CYTH2: variants seen among roughly 807,000 people sequenced by gnomAD.
CYTH2 encodes cytohesin-2.
CYTH2 carries 24 observed loss-of-function variants against 55.4 expected under a neutral mutation model. The ratio of observed to expected loss-of-function variants is 0.43; its 90% CI spans 0.31 to 0.61. The LOEUF is 0.61. CYTH2 is among the 20% of genes least tolerant of loss of function. CYTH2 has a pLI of 0.08. For synonymous variants in CYTH2, 221 were observed against 209.6 expected (o/e 1.05, Z -0.47); for missense variants, 378 against 533.5 (o/e 0.71, Z 2.87).
At chr19:48,478,862 T>C (rs1414067797) in intron 11 of CYTH2, among the ~76,000 whole-genome samples, 1 of 129,482 alleles carries the variant, frequency 7.7e-6, no homozygotes, top group Non-Finnish European at 1.6e-5. Context: ...CCTGGACTCC[T>C]GGGTCTGACG....
chr19:48,477,163 C>T (rs1971931297), intron 8 of CYTH2: 1 of 152,434 alleles, frequency 6.6e-6, no homozygotes, highest in African/African-American at 2.4e-5. Flanking sequence ...AGCAGCAGGT[C>T]ATTTTGCCAC....
Position 48,478,573 on chromosome 19 carries a change from G to C in CYTH2, c.1093G>C (p.Glu365Gln), listed in dbSNP as rs768292381. The C allele has an allele frequency of 1.4e-5, 22 of 1,612,888 alleles. No homozygotes were observed. The South Asian group carries it at 2.2e-4, about 16-fold the overall frequency. ...ISAPTQEEKD[E>Q]WIKSIQAAVS... ...GGCCCCCACGCAGGAGGAGAAGGAC[G>C]AGTGGATCAAGTCCATCCAGTGAGC... Residue 365 changes from glutamate (E) to glutamine (Q), a missense_variant, in exon 11 of 12, where the codon GAG (glutamate) becomes CAG (glutamine). Physicochemically the swap from Glu to Gln is conservative, Grantham distance 29. Coordinates refer to ENST00000452733, the MANE Select transcript of CYTH2 (RefSeq NM_004228.7).
In CYTH2 at chr19:48,478,711, ACGC is replaced by A; in HGVS notation, c.1112+121_1112+123del. 9.8e-6 allele frequency: 7 copies of A among 714,810 alleles called. No individual in the cohort carries two copies. The African/African-American group carries it at 1.6e-4, about 16-fold the overall frequency. 44.3% of individuals were successfully genotyped at this position (714,810 alleles called of 1,614,324 possible). A position where few individuals can be genotyped will look rare whatever the true frequency, so the allele number is the denominator to read the frequency against. ...TGATGGAGGAGGGGCTGGGGCCTGG[ACGC>A]CTGGGTCTGACGGAGGAGGGGCTGG... On this transcript the variant is annotated intron_variant, in intron 11 of 11. Transcript: ENST00000452733.
intron 8 of CYTH2, 140 bp from the exon 9 acceptor site, chr19:48,477,929 C>A: frequency 1.6e-6 from 1 of 631,044 alleles, no homozygotes; most frequent in Non-Finnish European, 2.8e-6. Flanking sequence ...GCTTGTCTGT[C>A]TCCCCCAACG....
chr19:48,472,536 C>T, intron 4 of CYTH2, 93 bp downstream of exon 4: 3 of 1,018,228 alleles, frequency 2.9e-6, no homozygotes, highest in Non-Finnish European at 4.5e-6. Flanking sequence ...GGTGGAACAG[C>T]CCTGCAGCCT....
At position 48,476,901 on chromosome 19, in the gene CYTH2, C is replaced by T. The variant is rs976565479; in HGVS notation, c.809-1168C>T. On this transcript the variant is annotated intron_variant, in intron 8 of 11. Coordinates refer to ENST00000452733, the MANE Select transcript of CYTH2 (RefSeq NM_004228.7). ...AAAAAACAAAACAAAACAAAAACTG[C>T]TCCTGTGAGCAGTAACTTTCCCATT... 3.9e-5 allele frequency: 6 copies of T among 152,216 alleles called. 1 individual carries two copies. The highest frequency in any genetic ancestry group is 2.0e-4 in the Admixed American group (3 of 15,274). 9.4% of individuals were successfully genotyped at this position (152,216 alleles called of 1,614,324 possible). A position where few individuals can be genotyped will look rare whatever the true frequency, so the allele number is the denominator to read the frequency against.
At chr19:48,479,057 T>A (rs921641830) in intron 11 of CYTH2, 66 bp from the exon 12 acceptor site, 1 of 1,518,170 alleles carries the variant, frequency 6.6e-7, no homozygotes, top group African/African-American at 1.4e-5. Context: ...CTCCTGGGTA[T>A]GAGGGAGGAG....
Position 48,479,537 on chromosome 19 carries a change from A to C in CYTH2, c.*327A>C, listed in dbSNP as rs143134675. 43 of 331,222 alleles carry C rather than the reference A, an allele frequency of 1.3e-4. No individual in the cohort carries two copies. The highest frequency in any genetic ancestry group is 4.8e-4 in the Admixed American group (11 of 23,046). The allele number at this position is 331,222 out of a possible 1,614,324, so 20.5% of individuals were successfully genotyped here. On this transcript the variant is annotated 3_prime_UTR_variant, in exon 12 of 12. Transcript: ENST00000452733. ...TCTGTTCTGGTTTCACCCCGAGCCC[A>C]GCAGGAGTGGAGTAAAGGGAGAAGG...
rs747086979 is a variant in CYTH2, at chr19:48,478,319, C to T, written c.930C>T (p.Ile310=). The T allele has an allele frequency of 8.7e-6, 14 of 1,613,916 alleles. 1 individual carries two copies. In the South Asian group the frequency reaches 1.5e-4, roughly 18 times the overall value. Residue 310 remains isoleucine, a synonymous_variant, in exon 10 of 12, where the codon ATC becomes ATT. Coordinates refer to ENST00000452733, the MANE Select transcript of CYTH2 (RefSeq NM_004228.7). ...TCATCCCCCTGGAGAATCTGAGCAT[C>T]CGAGAGGTGGACGACCCCCGGAAAC... ...RGIIPLENLS[I]REVDDPRKPN... is the part of the protein sequence containing the mutation.
chr19:48,478,785 A>ACGGAGGAGGGGCAGGGGCCTGGACG (rs1569093229), intron 11 of CYTH2, among the ~76,000 whole-genome samples, 193 bp downstream of exon 11: 11 of 94,816 alleles, frequency 1.2e-4, no homozygotes, highest in African/African-American at 5.8e-4. Flanking sequence ...GGGCCTGGAC[A>ACGGAGGAGGGGCAGGGGCCTGGACG]CCTGGGTCTG....
Position 48,474,421 on chromosome 19 carries a change from C to G in CYTH2, c.696+91C>G. ...TGTGGTCTCCTAGTGCCCAAGCTGTCTGCCCTCACCCCCAAGATGGTGCGA... is the reference window on the plus strand; with the variant it reads ...TGTGGTCTCCTAGTGCCCAAGCTGTGTGCCCTCACCCCCAAGATGGTGCGA... On this transcript the variant is annotated intron_variant, in intron 7 of 11. Transcript: ENST00000452733. The surrounding 1 kb of genome is among the most constrained non-coding windows in gnomAD (Gnocchi z 4.9). 1 of 1,367,968 alleles carries G rather than the reference C, an allele frequency of 7.3e-7. No individual in the cohort carries two copies. Among genetic ancestry groups the G allele is most frequent in the Non-Finnish European group, 9.8e-7 (1 of 1,019,308 alleles). 84.7% of individuals were successfully genotyped at this position (1,367,968 alleles called of 1,614,324 possible). A position where few individuals can be genotyped will look rare whatever the true frequency, so the allele number is the denominator to read the frequency against.
chr19:48,469,420 G>A lies in CYTH2; in HGVS notation c.-88G>A. 7.7e-7 allele frequency: 1 copy of A among 1,292,784 alleles called. No homozygotes were observed. The highest frequency in any genetic ancestry group is 2.4e-5 in the South Asian group (1 of 42,094). 80.1% of individuals were successfully genotyped at this position (1,292,784 alleles called of 1,614,324 possible). Reference sequence around the variant, plus strand: ...CGGCGGTGGCTCCCGGGGCGTTTGAGCGGGCTCACCCGAGCCCGCGGGCCA... The same window carrying A: ...CGGCGGTGGCTCCCGGGGCGTTTGAACGGGCTCACCCGAGCCCGCGGGCCA... On this transcript the variant is annotated 5_prime_UTR_variant, in exon 1 of 12. Transcript: ENST00000452733.
chr19:48,478,075 G>A lies in CYTH2; in HGVS notation c.815G>A (p.Arg272Gln). The change falls in exon 9 of 12, where the codon CGG (arginine) becomes CAG (glutamine). Residue 272 changes from arginine to glutamine, a missense_variant. Physicochemically the swap from Arg to Gln is conservative, Grantham distance 43. Transcript: ENST00000452733. ...REGWLLKLGG[R>Q]VKTWKRRWFI... ...CCCACCCCTTCCCTTTCAGGGGGCCGGGTGAAGACGTGGAAGCGGCGCTGG... is the reference window on the plus strand; with the variant it reads ...CCCACCCCTTCCCTTTCAGGGGGCCAGGTGAAGACGTGGAAGCGGCGCTGG... The A allele has an allele frequency of 1.2e-6, 2 of 1,613,952 alleles. No homozygotes were observed. Among genetic ancestry groups the A allele is most frequent in the Non-Finnish European group, 1.7e-6 (2 of 1,179,902 alleles).
chr19:48,473,762 C>T (rs1799258), intron 5 of CYTH2, 143 bp from the exon 6 acceptor site: 589,404 of 669,268 alleles, frequency 0.88, 263,779 homozygotes, highest in African/African-American at 0.98. Context: ...ATTGGTGAGA[C>T]TGGATCATGT....
In CYTH2 at chr19:48,482,283, A is replaced by G. The variant is rs1224224352; in HGVS notation, c.*3073A>G. 1 of 151,824 alleles carries G rather than the reference A, an allele frequency of 6.6e-6. No homozygotes were observed. The highest frequency in any genetic ancestry group is 1.9e-4 in the East Asian group (1 of 5,162). The allele number at this position is 151,824 out of a possible 1,614,324, so 9.4% of individuals were successfully genotyped here. A position where few individuals can be genotyped will look rare whatever the true frequency, so the allele number is the denominator to read the frequency against. Reference sequence around the variant, plus strand: ...AATTGTGTCTCCCCCACCCCCACAAAAAACTTTATATTAAAATCCTAACCC... The same window carrying G: ...AATTGTGTCTCCCCCACCCCCACAAGAAACTTTATATTAAAATCCTAACCC... On this transcript the variant is annotated 3_prime_UTR_variant, in exon 12 of 12. Coordinates refer to ENST00000452733, the MANE Select transcript of CYTH2 (RefSeq NM_004228.7).
chr19:48,478,050 C>T lies in CYTH2; in HGVS notation c.809-19C>T, dbSNP rs377453242. The T allele has an allele frequency of 6.2e-7, 1 of 1,611,890 alleles. No individual in the cohort carries two copies. The highest frequency in any genetic ancestry group is 1.3e-5 in the African/African-American group (1 of 74,890). On this transcript the variant is annotated intron_variant, in intron 8 of 11. Transcript: ENST00000452733. ...TCCCCCTGTTGAGCCCAGGCCCCCTCCCACCCCTTCCCTTTCAGGGGGCCG... is the reference window on the plus strand; with the variant it reads ...TCCCCCTGTTGAGCCCAGGCCCCCTTCCACCCCTTCCCTTTCAGGGGGCCG...
chr19:48,478,002 C>T, intron 8 of CYTH2, 67 bp from the exon 9 acceptor site: 1 of 1,337,580 alleles, frequency 7.5e-7, no homozygotes. Context: ...TTCTCACGCC[C>T]CTCCCATCTC....
At position 48,474,781 on chromosome 19, in the gene CYTH2, A is replaced by T; in HGVS notation, c.697-57A>T. On this transcript the variant is annotated intron_variant, in intron 7 of 11. Transcript: ENST00000452733. The surrounding 1 kb of genome is among the most constrained non-coding windows in gnomAD (Gnocchi z 4.9). ...CCTGGTCTCGCTGCCCCCCACCCTG[A>T]GTAACCCTGGGGGGCCCCAGGGGGC... 1 of 1,521,548 alleles carries T rather than the reference A, an allele frequency of 6.6e-7. No homozygotes were observed. Among genetic ancestry groups the T allele is most frequent in the Non-Finnish European group, 9.1e-7 (1 of 1,097,522 alleles). 94.3% of individuals were successfully genotyped at this position (1,521,548 alleles called of 1,614,324 possible).
chr19:48,478,712 C>T (rs1479444911), intron 11 of CYTH2, 120 bp downstream of exon 11: 19 of 736,204 alleles, frequency 2.6e-5, no homozygotes, highest in Admixed American at 6.6e-5. Context: ...GGGGCCTGGA[C>T]GCCTGGGTCT....
Sources: allele counts gnomAD v4.1 joint callset (sites outside exome capture counted in the v4.1 genomes callset), GRCh38; gene constraint gnomAD v4.1.1; non-coding constraint Gnocchi (gnomAD v3.1); transcripts MANE v1.5; gene names NCBI Gene and HGNC (gene_info 2026-07-23, HGNC 2026-07-21).